Variants in NPAS1 observed in about 807,000 individuals in gnomAD.
The protein encoded by NPAS1 is neuronal PAS domain protein 1, also known as neuronal PAS domain-containing protein 1.
In NPAS1, 29 loss-of-function variants were observed where a neutral mutation model predicts 49.2. That is an observed-to-expected ratio of 0.59 (90% CI 0.44 to 0.80). The LOEUF is 0.80. Among genes scored for constraint, NPAS1 ranks in the 30% least tolerant of loss-of-function variants. The pLI is 0.00. For missense variants in NPAS1, 825 were observed against 835.5 expected, an observed-to-expected ratio of 0.99 and a Z score of 0.15; for synonymous variants, 408 against 380.4, an observed-to-expected ratio of 1.07 and a Z score of -0.84.
At chr19:47,023,552 C>T (rs1599892133) in intron 3 of NPAS1, among the ~76,000 whole-genome samples, 1 of 152,154 alleles carries the variant, frequency 6.6e-6, no homozygotes, top group African/African-American at 2.4e-5. Context: ...AGGCGAAGCA[C>T]CTGCTTCCAT....
chr19:47,020,504 C>T (rs2056831875), intron 1 of NPAS1, among the ~76,000 whole-genome samples: 1 of 151,836 alleles, frequency 6.6e-6, no homozygotes, highest in Admixed American at 6.6e-5. Context: ...GGATGGGGGT[C>T]CCTGCCCTCT....
intron 9 of NPAS1, 53 bp from the exon 10 acceptor site, chr19:47,040,924 CT>C: frequency 7.1e-7 from 1 of 1,406,808 alleles, no homozygotes; most frequent in Non-Finnish European, 9.3e-7. Context: ...GGCTCTCTGT[CT>C]TGCCCCTGTC....
At position 47,042,923 on chromosome 19, in the gene NPAS1, C is replaced by G. The variant is rs371750907; in HGVS notation, c.1312+19C>G. 1.0e-4 allele frequency: 155 copies of G among 1,544,164 alleles called. No homozygotes were observed. The highest frequency in any genetic ancestry group is 1.2e-4 in the Non-Finnish European group (143 of 1,145,380). The stretch of plus-strand genomic sequence containing the variant: ...CCCACAGGTGAGCCCCACCTCCCAC[C>G]TTGGCCCCTGGGAAGCTCCAAGGAA... On this transcript the variant is annotated intron_variant, in intron 11 of 11. Coordinates refer to ENST00000602212, the MANE Select transcript of NPAS1 (RefSeq NM_002517.4).
chr19:47,021,571 C>G lies in NPAS1; in HGVS notation c.123-41C>G, dbSNP rs749903771. 1 of 1,366,596 alleles carries G rather than the reference C, an allele frequency of 7.3e-7. No homozygotes were observed. The highest frequency in any genetic ancestry group is 1.5e-5 in the African/African-American group (1 of 65,520). 84.7% of individuals were successfully genotyped at this position (1,366,596 alleles called of 1,614,324 possible). A position where few individuals can be genotyped will look rare whatever the true frequency, so the allele number is the denominator to read the frequency against. ...GCCCCCAGTTCCCAAGCCCCTGAGC[C>G]CCGGGGCCCCGCCGACACCTCCTCC... On this transcript the variant is annotated intron_variant, in intron 2 of 11. Transcript: ENST00000602212. The surrounding 1 kb of genome is among the most constrained non-coding windows in gnomAD (Gnocchi z 5.7).
rs893867183 is a variant in NPAS1, at chr19:47,025,301, G to A, written c.358+3454G>A. Among the ~76,000 whole-genome samples the A allele has an allele frequency of 1.8e-4, 24 of 133,944 alleles. 2 individuals are homozygous for A. The highest frequency in any genetic ancestry group is 5.4e-4 in the African/African-American group (22 of 40,394). 87.9% of individuals were successfully genotyped at this position (133,944 alleles called of 152,430 possible). On this transcript the variant is annotated intron_variant, in intron 3 of 11. Transcript: ENST00000602212. ...CATCTTTATTTATTTATTTATAGACGGAGTTTTGCTCTTGTTGCCCAGGCT... is the reference window on the plus strand; with the variant it reads ...CATCTTTATTTATTTATTTATAGACAGAGTTTTGCTCTTGTTGCCCAGGCT...
intron 4 of NPAS1, 88 bp downstream of exon 4, chr19:47,032,439 A>C (rs113802887): frequency 7.2e-6 from 10 of 1,394,272 alleles, no homozygotes; most frequent in Non-Finnish European, 1.0e-5. Flanking sequence ...GCATCCATCT[A>C]TTGTGGGGGG....
intron 5 of NPAS1, among the ~76,000 whole-genome samples, chr19:47,033,138 A>T (rs370922405): frequency 3.3e-5 from 5 of 151,544 alleles, no homozygotes; most frequent in Admixed American, 6.6e-5. Context: ...GGGTTTCACC[A>T]TGTTAGCCAG....
At chr19:47,032,038 A>T (rs1165397035) in intron 3 of NPAS1, among the ~76,000 whole-genome samples, 1 of 151,936 alleles carries the variant, frequency 6.6e-6, no homozygotes, top group Non-Finnish European at 1.5e-5. Context: ...TGGGTGGATG[A>T]ATGAATGAGT....
At chr19:47,030,337 G>A (rs147474306) in intron 3 of NPAS1, among the ~76,000 whole-genome samples, 21 of 147,200 alleles carry the variant, frequency 1.4e-4, no homozygotes, top group South Asian at 8.7e-4. Flanking sequence ...CTACTTTTTT[G>A]ATGCTAGCCA....
chr19:47,025,598 C>T (rs1248038358), intron 3 of NPAS1, among the ~76,000 whole-genome samples: 1 of 151,024 alleles, frequency 6.6e-6, no homozygotes, highest in Non-Finnish European at 1.5e-5. Flanking sequence ...TTTTTTGAAA[C>T]AGGGTCTTGC....
intron 1 of NPAS1, among the ~76,000 whole-genome samples, chr19:47,020,257 T>C (rs907079297): frequency 1.1e-4 from 17 of 151,708 alleles, no homozygotes; most frequent in African/African-American, 3.6e-4. Flanking sequence ...GAACGCCTGG[T>C]CCTGGAGGAA....
chr19:47,042,745 A>G (rs1366716355), intron 10 of NPAS1, 65 bp from the exon 11 acceptor site: 26 of 1,379,648 alleles, frequency 1.9e-5, no homozygotes, highest in Non-Finnish European at 2.1e-5. Context: ...AAGTTGGGTA[A>G]AGCAGGAGGG....
At chr19:47,034,923 C>G (rs78725807) in intron 5 of NPAS1, among the ~76,000 whole-genome samples, 7 of 146,388 alleles carry the variant, frequency 4.8e-5, no homozygotes, top group East Asian at 4.1e-4. Flanking sequence ...GGCTCATGCC[C>G]GTAAACCCAG....
rs1168014578 is a variant in NPAS1 at position 47,039,111 on chromosome 19, T to G, written c.764T>G (p.Leu255Arg). Residue 255 changes from leucine (L) to arginine (R), a missense_variant, in exon 7 of 12, where the codon CTC becomes CGC. Leu to Arg is a moderately radical substitution (Grantham distance 102). Coordinates refer to ENST00000602212, the MANE Select transcript of NPAS1 (RefSeq NM_002517.4). ...RSFFVRMKST[L>R]TKRGLHVKAS... Reference sequence around the variant, plus strand: ...TTCTTTGTCCGCATGAAATCCACGCTCACCAAGAGGGGGCTGCACGTCAAG... The same window carrying G: ...TTCTTTGTCCGCATGAAATCCACGCGCACCAAGAGGGGGCTGCACGTCAAG... 1 of 1,613,696 alleles carries G rather than the reference T, an allele frequency of 6.2e-7. No individual in the cohort carries two copies. The highest frequency in any genetic ancestry group is 8.5e-7 in the Non-Finnish European group (1 of 1,179,794).
At chr19:47,038,891 T>C in intron 6 of NPAS1, 145 bp from the exon 7 acceptor site, 1 of 666,402 alleles carries the variant, frequency 1.5e-6, no homozygotes, top group South Asian at 1.7e-5. Flanking sequence ...CCCCATGAGC[T>C]TTCAAAATCA....
At chr19:47,041,828 T>A (rs12608513) in intron 10 of NPAS1, among the ~76,000 whole-genome samples, 130,987 of 151,478 alleles carry the variant, frequency 0.86, 56,722 homozygotes, top group East Asian at 0.97. Context: ...AAAATTTTTT[T>A]AATTGGCCCG....
In NPAS1 at chr19:47,021,953, A is replaced by G. The variant is rs1288318646; in HGVS notation, c.358+106A>G. 2.8e-6 allele frequency: 2 copies of G among 707,350 alleles called. No homozygotes were observed. Among genetic ancestry groups the G allele is most frequent in the East Asian group, 6.6e-5 (2 of 30,320 alleles). 43.8% of individuals were successfully genotyped at this position (707,350 alleles called of 1,614,324 possible). The stretch of plus-strand genomic sequence containing the variant: ...CCCTCGCCCAGATGCTTGTCTCTGG[A>G]GTCAGCCAGGACCTTTGCGTGTCCC... On this transcript the variant is annotated intron_variant, in intron 3 of 11. Transcript: ENST00000602212. The surrounding 1 kb of genome is among the most constrained non-coding windows in gnomAD (Gnocchi z 5.7).
rs928527470 is a variant in NPAS1 at position 47,021,179 on chromosome 19, G to C, written c.122+10G>C. Reference sequence around the variant, plus strand: ...CGCCGTCCGGACCGTGGTGAGCAAAGCCCCGCCCCCCTGGCCGCGGGCCCC... The same window carrying C: ...CGCCGTCCGGACCGTGGTGAGCAAACCCCCGCCCCCCTGGCCGCGGGCCCC... On this transcript the variant is annotated intron_variant, in intron 2 of 11. Transcript: ENST00000602212. This position sits in a 1 kb window ranked among gnomAD's most constrained non-coding sequence, Gnocchi z 5.7. The C allele has an allele frequency of 2.6e-6, 4 of 1,541,944 alleles. No homozygotes were observed. The highest frequency in any genetic ancestry group is 2.4e-5 in the East Asian group (1 of 41,052).
intron 5 of NPAS1, chr19:47,035,214 AGAAGAAG>A (rs1395071598): frequency 6.5e-6 from 1 of 153,488 alleles, no homozygotes; most frequent in East Asian, 1.9e-4. Flanking sequence ...AAGAAGAAGA[AGAAGAAG>A]GAAAGGCTTG....
Sources: gnomAD v4.1 joint callset for allele counts (sites outside exome capture counted in the v4.1 genomes callset) on GRCh38, gnomAD v4.1.1 for gene constraint, Gnocchi (gnomAD v3.1) non-coding constraint, MANE v1.5 for transcripts, NCBI Gene and HGNC (gene_info 2026-07-23, HGNC 2026-07-21) for gene names.